STK3: variants seen among roughly 807,000 people sequenced by gnomAD.
The protein encoded by STK3 is serine/threonine-protein kinase 3.
Under a neutral mutation model 58.0 loss-of-function variants are expected in STK3, and 41 were observed. That is an observed-to-expected ratio of 0.71 (90% CI 0.55 to 0.92). The LOEUF (loss-of-function observed/expected upper bound fraction) is 0.92, where lower values mean the gene tolerates loss of function less well. STK3 is among the 40% of genes least tolerant of loss of function. The probability of loss-of-function intolerance (pLI) is 0.00; values close to 1 mark genes in which losing one functional copy is unlikely to be tolerated. For synonymous variants in STK3, 170 were observed against 191.0 expected (o/e 0.89, Z 0.91); for missense variants, 479 against 602.7 (o/e 0.79, Z 2.15).
intron 10 of STK3, among the ~76,000 whole-genome samples, chr8:98,472,682 T>C (rs1821012440): frequency 6.6e-6 from 1 of 152,200 alleles, no homozygotes; most frequent in South Asian, 2.1e-4. Flanking sequence ...AATGACTGAA[T>C]GCATTATGAA....
chr8:98,849,085 G>A (rs983842383), intron 3 of STK3, among the ~76,000 whole-genome samples: 1 of 151,912 alleles, frequency 6.6e-6, no homozygotes, highest in Non-Finnish European at 1.5e-5. Context: ...AATTAGCTGG[G>A]CGTGGTGGCT....
intron 1 of STK3, among the ~76,000 whole-genome samples, chr8:98,784,522 A>C (rs1490372463): frequency 6.6e-6 from 1 of 150,552 alleles, no homozygotes; most frequent in Admixed American, 6.6e-5. Context: ...CCTGGCAAAA[A>C]TCCAGGCATT....
At chr8:98,579,638 T>A in intron 8 of STK3, 26 bp downstream of exon 8, 1 of 1,597,140 alleles carries the variant, frequency 6.3e-7, no homozygotes, top group Non-Finnish European at 8.5e-7. Flanking sequence ...AAGAAAAAAA[T>A]CAACTTTTTG....
At chr8:98,508,601 T>A (rs552534762) in intron 10 of STK3, among the ~76,000 whole-genome samples, 1 of 152,296 alleles carries the variant, frequency 6.6e-6, no homozygotes, top group Admixed American at 6.5e-5. Flanking sequence ...AACCATTGAA[T>A]TACATACTTT....
chr8:98,770,746 G>A (rs886203853), intron 2 of STK3, among the ~76,000 whole-genome samples: 3 of 152,194 alleles, frequency 2.0e-5, no homozygotes, highest in Non-Finnish European at 4.4e-5. Context: ...TGACAAATAT[G>A]CCAACAGTGA....
chr8:98,351,327 G>A, the STK3 span, among the ~76,000 whole-genome samples: 1 of 152,152 alleles, frequency 6.6e-6, no homozygotes, highest in African/African-American at 2.4e-5. Flanking sequence ...TCCTGACAAT[G>A]GAGACATAGT....
intron 6 of STK3, among the ~76,000 whole-genome samples, chr8:98,657,144 T>C (rs1821607346): frequency 6.6e-6 from 1 of 151,878 alleles, no homozygotes; most frequent in African/African-American, 2.4e-5. Context: ...AAATCTTCTA[T>C]AATATATACA....
At chr8:98,842,173 G>A (rs557959289) in intron 3 of STK3, among the ~76,000 whole-genome samples, 6 of 152,162 alleles carry the variant, frequency 3.9e-5, no homozygotes, top group Admixed American at 3.3e-4. Context: ...TAAATGAGAC[G>A]ATGCAATATT....
intron 8 of STK3, among the ~76,000 whole-genome samples, chr8:98,555,733 A>T (rs1352470719): frequency 6.6e-6 from 1 of 152,118 alleles, no homozygotes; most frequent in Non-Finnish European, 1.5e-5. Context: ...TATTTTTAAA[A>T]CCTCTTAAAG....
intron 4 of STK3, among the ~76,000 whole-genome samples, chr8:98,715,074 G>T (rs1432187857): frequency 6.6e-6 from 1 of 152,042 alleles, no homozygotes; most frequent in Non-Finnish European, 1.5e-5. Flanking sequence ...AAACTGGCCA[G>T]CCATATGAAG....
At chr8:98,476,535 C>G (rs1254648697) in intron 10 of STK3, among the ~76,000 whole-genome samples, 2 of 152,144 alleles carry the variant, frequency 1.3e-5, no homozygotes, top group Non-Finnish European at 2.9e-5. Context: ...AAAACTGATT[C>G]CAGGTGGAAC....
chr8:98,848,701 A>G (rs1836313296), intron 3 of STK3, among the ~76,000 whole-genome samples: 1 of 152,158 alleles, frequency 6.6e-6, no homozygotes, highest in Admixed American at 6.6e-5. Flanking sequence ...TTATTGCTGG[A>G]TAATATTCCT....
intron 10 of STK3, among the ~76,000 whole-genome samples, chr8:98,481,576 C>T (rs1178172086): frequency 6.6e-6 from 1 of 151,980 alleles, no homozygotes; most frequent in Non-Finnish European, 1.5e-5. Flanking sequence ...GTATAATGGA[C>T]ATTGGAGACT....
At chr8:98,750,550 TC>T in intron 3 of STK3, among the ~76,000 whole-genome samples, 1 of 151,676 alleles carries the variant, frequency 6.6e-6, no homozygotes, top group East Asian at 1.9e-4. Flanking sequence ...AGGGAAGACT[TC>T]TCAGTACAGC....
At chr8:98,471,351 C>G (rs1410731658) in intron 10 of STK3, among the ~76,000 whole-genome samples, 2 of 149,266 alleles carry the variant, frequency 1.3e-5, no homozygotes, top group African/African-American at 5.0e-5. Context: ...TGGTTTTTTT[C>G]CTTTTCTTTT....
chr8:98,560,772 C>A (rs1233888389), intron 8 of STK3, among the ~76,000 whole-genome samples: 7 of 152,140 alleles, frequency 4.6e-5, no homozygotes, highest in Non-Finnish European at 8.8e-5. Context: ...GAGGCTCACA[C>A]CTGTAATCCC....
intron 10 of STK3, among the ~76,000 whole-genome samples, chr8:98,515,077 C>A (rs1305491758): frequency 6.6e-6 from 1 of 152,102 alleles, no homozygotes. Context: ...TGTAGACTCT[C>A]TTCTCTAATT....
chr8:98,882,348 T>C (rs1837825052), downstream of STK3: 1 of 151,934 alleles, frequency 6.6e-6, no homozygotes, highest in African/African-American at 2.4e-5. Context: ...ATTGAAGAGG[T>C]AAAAAATAAT....
intron 1 of STK3, among the ~76,000 whole-genome samples, chr8:98,908,724 T>C (rs1165399772): frequency 6.7e-6 from 1 of 148,996 alleles, no homozygotes; most frequent in Non-Finnish European, 1.5e-5. Flanking sequence ...GCACCTGTAA[T>C]CCCAGCTACT....
Sources: allele counts gnomAD v4.1 joint callset (sites outside exome capture counted in the v4.1 genomes callset), GRCh38; gene constraint gnomAD v4.1.1; transcripts MANE v1.5; gene names NCBI Gene and HGNC (gene_info 2026-07-23, HGNC 2026-07-21).